Variants in NEDD4L observed in about 807,000 individuals in gnomAD.
NEDD4L encodes E3 ubiquitin-protein ligase NEDD4-like.
In NEDD4L, 54 loss-of-function variants were observed where a neutral mutation model predicts 148.9. That is an observed-to-expected ratio of 0.36 (90% confidence interval 0.29 to 0.45). NEDD4L has a LOEUF of 0.45. Among genes scored for constraint, NEDD4L ranks in the 20% least tolerant of loss-of-function variants. The probability of loss-of-function intolerance (pLI) is 1.00; values close to 1 mark genes in which losing one functional copy is unlikely to be tolerated. For synonymous variants in NEDD4L, 433 were observed against 440.7 expected (o/e 0.98, Z 0.22); for missense variants, 856 against 1,233.8 (o/e 0.69, Z 4.59).
chr18:58,205,997 C>A (rs139368555), intron 2 of NEDD4L, among the ~76,000 whole-genome samples: 197 of 152,304 alleles, frequency 1.3e-3, no homozygotes, highest in African/African-American at 4.4e-3. Flanking sequence ...ACCTTCTGTA[C>A]AATGGCTTCC....
chr18:58,079,428 C>G (rs892184337), intron 1 of NEDD4L, among the ~76,000 whole-genome samples: 2 of 152,168 alleles, frequency 1.3e-5, no homozygotes, highest in African/African-American at 2.4e-5. Flanking sequence ...GTACTTACTG[C>G]CCCTGAGATC....
chr18:58,265,251 T>C (rs2050056591), intron 5 of NEDD4L, among the ~76,000 whole-genome samples: 1 of 152,092 alleles, frequency 6.6e-6, no homozygotes, highest in Non-Finnish European at 1.5e-5. Flanking sequence ...TGTTCATTAT[T>C]AGCAGGTTTC....
intron 1 of NEDD4L, among the ~76,000 whole-genome samples, chr18:58,099,220 A>G (rs1192225277): frequency 1.3e-5 from 2 of 150,842 alleles, no homozygotes; most frequent in South Asian, 4.2e-4. Flanking sequence ...TTTCTCTTGC[A>G]CAGGCTGAAG....
chr18:58,392,298 T>C (rs906000194), intron 30 of NEDD4L, among the ~76,000 whole-genome samples: 2 of 152,214 alleles, frequency 1.3e-5, no homozygotes, highest in African/African-American at 2.4e-5. Flanking sequence ...GCAGCAGAAG[T>C]GGGCCTTCTG....
chr18:58,252,993 T>G (rs75902523), intron 5 of NEDD4L, among the ~76,000 whole-genome samples: 1,673 of 152,376 alleles, frequency 0.011, 29 homozygotes, highest in African/African-American at 0.038. Flanking sequence ...ACTATCATGT[T>G]AAGTCCTTAA....
intron 1 of NEDD4L, chr18:58,091,291 G>C (rs373757965): frequency 1.3e-5 from 2 of 152,380 alleles, no homozygotes; most frequent in South Asian, 4.1e-4. Context: ...GAAGGTTCCA[G>C]AGCCCTTTAG....
intron 30 of NEDD4L, among the ~76,000 whole-genome samples, chr18:58,393,708 C>G (rs1046242969): frequency 2.0e-5 from 3 of 152,200 alleles, no homozygotes; most frequent in African/African-American, 2.4e-5. Flanking sequence ...ACTTCACTGG[C>G]TGTTTCGTGG....
intron 13 of NEDD4L, among the ~76,000 whole-genome samples, chr18:58,336,276 A>T (rs996911060): frequency 1.3e-5 from 2 of 152,164 alleles, no homozygotes; most frequent in African/African-American, 4.8e-5. Flanking sequence ...GCACTGCAAT[A>T]GCTGTTTAAA....
chr18:58,291,126 G>A (rs1024641002), intron 5 of NEDD4L, among the ~76,000 whole-genome samples: 3 of 146,384 alleles, frequency 2.0e-5, no homozygotes, highest in African/African-American at 7.6e-5. Context: ...CGACCCACGT[G>A]GTCACACAGA....
At chr18:58,228,147 T>C (rs1164817530) in intron 2 of NEDD4L, among the ~76,000 whole-genome samples, 1 of 152,212 alleles carries the variant, frequency 6.6e-6, no homozygotes, top group Non-Finnish European at 1.5e-5. Context: ...AAGCAACCTT[T>C]GTTGCAGACC....
chr18:58,232,774 A>G (rs2045401296), intron 2 of NEDD4L, among the ~76,000 whole-genome samples: 1 of 152,138 alleles, frequency 6.6e-6, no homozygotes, highest in Non-Finnish European at 1.5e-5. Flanking sequence ...TTGCACATTT[A>G]ATAGACTTGA....
chr18:58,122,357 G>A (rs1009070974), intron 1 of NEDD4L, among the ~76,000 whole-genome samples: 9 of 152,134 alleles, frequency 5.9e-5, no homozygotes, highest in Admixed American at 1.3e-4. Flanking sequence ...AAAATTAGCC[G>A]GGTGTGGTGG....
At chr18:58,396,049 G>A (rs942785036) in intron 30 of NEDD4L, 118 bp from the exon 31 acceptor site, 5 of 617,684 alleles carry the variant, frequency 8.1e-6, no homozygotes, top group African/African-American at 7.4e-5. Context: ...TTTTCTCCAG[G>A]TAATCAAAAT....
chr18:58,295,062 TC>T (rs2055358145), intron 5 of NEDD4L, among the ~76,000 whole-genome samples: 1 of 152,090 alleles, frequency 6.6e-6, no homozygotes, highest in Admixed American at 6.6e-5. Context: ...ATCATCAGCA[TC>T]CCCCACCAGA....
chr18:58,212,897 A>T (rs1470279721), intron 2 of NEDD4L, among the ~76,000 whole-genome samples: 1 of 152,252 alleles, frequency 6.6e-6, no homozygotes, highest in Non-Finnish European at 1.5e-5. Flanking sequence ...TGTTAAGAAA[A>T]CCACAGAGGA....
chr18:58,234,097 CTTTCTTTTCT>C (rs752800938), intron 2 of NEDD4L, among the ~76,000 whole-genome samples: 1 of 83,358 alleles, frequency 1.2e-5, no homozygotes, highest in African/African-American at 6.2e-5. Flanking sequence ...TTCTTTCTTT[CTTTCTTTTCT>C]TTTCTTTTCT....
intron 2 of NEDD4L, among the ~76,000 whole-genome samples, chr18:58,222,440 A>G (rs1418071375): frequency 1.3e-5 from 2 of 152,234 alleles, no homozygotes; most frequent in African/African-American, 4.8e-5. Context: ...TGAGAAAACA[A>G]AAGTCAAAGC....
chr18:58,122,105 T>C (rs77856742), intron 1 of NEDD4L, among the ~76,000 whole-genome samples: 1 of 152,264 alleles, frequency 6.6e-6, no homozygotes, highest in East Asian at 1.9e-4. Context: ...GCCCTTTGGC[T>C]TACAGCTGCC....
chr18:58,282,723 T>C (rs1203952236), intron 5 of NEDD4L, among the ~76,000 whole-genome samples: 2 of 152,216 alleles, frequency 1.3e-5, no homozygotes, highest in Non-Finnish European at 2.9e-5. Flanking sequence ...CTACTGTATA[T>C]GAGCTCATGA....
Sources: allele counts gnomAD v4.1 joint callset (sites outside exome capture counted in the v4.1 genomes callset), GRCh38; gene constraint gnomAD v4.1.1; transcripts MANE v1.5; gene names NCBI Gene and HGNC (gene_info 2026-07-23, HGNC 2026-07-21).